Variants in ARMC8 observed in about 807,000 individuals in gnomAD.
ARMC8 encodes armadillo repeat-containing protein 8.
In ARMC8, 20 loss-of-function variants were observed where a neutral mutation model predicts 99.3. The observed-to-expected ratio is 0.20, with a 90% CI of 0.14 to 0.29. ARMC8 has a LOEUF of 0.29. ARMC8 is among the 10% of genes least tolerant of loss of function. The probability of loss-of-function intolerance (pLI) is 1.00; values close to 1 mark genes in which losing one functional copy is unlikely to be tolerated. For synonymous variants in ARMC8, 263 were observed against 278.3 expected (o/e 0.95, Z 0.55); for missense variants, 569 against 809.5 (o/e 0.70, Z 3.60).
At chr3:138,188,571 G>A (rs1223759471) in intron 1 of ARMC8, 4 of 1,613,444 alleles carry the variant, frequency 2.5e-6, no homozygotes, top group South Asian at 2.2e-5. Context: ...TTGGAAACAA[G>A]CAGGCAAATA....
intron 9 of ARMC8, chr3:138,237,919 C>A (rs999731327): frequency 1.2e-5 from 2 of 173,858 alleles, no homozygotes; most frequent in African/African-American, 2.4e-5. Flanking sequence ...CAGGGAAATA[C>A]AAAGATATAG....
intron 1 of ARMC8, among the ~76,000 whole-genome samples, chr3:138,196,651 C>T (rs1450364918): frequency 6.6e-6 from 1 of 151,974 alleles, no homozygotes; most frequent in Non-Finnish European, 1.5e-5. Flanking sequence ...GGTGGATCAT[C>T]TGAGGTCAGG....
chr3:138,229,164 A>ATGTG (rs1451616624), intron 6 of ARMC8, 154 bp downstream of exon 6: 2 of 78,714 alleles, frequency 2.5e-5, no homozygotes, highest in African/African-American at 1.1e-4. Flanking sequence ...ATATATATAT[A>ATGTG]TATATATATA....
chr3:138,282,635 CAAAAAAAA>C (rs760470914), intron 18 of ARMC8, among the ~76,000 whole-genome samples: 1 of 47,512 alleles, frequency 2.1e-5, no homozygotes, highest in African/African-American at 7.0e-5. Flanking sequence ...GACTCCATCT[CAAAAAAAA>C]AAAAAAAAAA....
chr3:138,268,669 G>C (rs184942345), intron 15 of ARMC8, among the ~76,000 whole-genome samples: 2 of 152,002 alleles, frequency 1.3e-5, no homozygotes, highest in East Asian at 1.9e-4. Context: ...CTAGCTACTC[G>C]AGAGGCCGAG....
intron 6 of ARMC8, among the ~76,000 whole-genome samples, chr3:138,232,097 A>T (rs2108127543): frequency 6.8e-6 from 1 of 146,194 alleles, no homozygotes; most frequent in Non-Finnish European, 1.5e-5. Context: ...CAGCCTCCCG[A>T]GTAGCTGGGA....
Position 138,187,610 on chromosome 3 carries a change from C to T in ARMC8, c.45+11C>T, listed in dbSNP as rs1404164173. Reference sequence around the variant, plus strand: ...ATGAGCGTCCTTTCGGTGAGTGACCCGCCGCGGCCGCCCGCCCGCCCTCCA... The same window carrying T: ...ATGAGCGTCCTTTCGGTGAGTGACCTGCCGCGGCCGCCCGCCCGCCCTCCA... On this transcript the variant is annotated intron_variant, in intron 1 of 21. Transcript: ENST00000469044. 7.8e-6 allele frequency: 12 copies of T among 1,535,496 alleles called. No individual in the cohort carries two copies. Among genetic ancestry groups the T allele is most frequent in the Non-Finnish European group, 1.0e-5 (12 of 1,146,446 alleles).
intron 1 of ARMC8, among the ~76,000 whole-genome samples, chr3:138,203,035 A>C (rs1420608642): frequency 6.6e-6 from 1 of 152,224 alleles, no homozygotes; most frequent in Non-Finnish European, 1.5e-5. Context: ...AGGGACAATC[A>C]GAGCCTGTTG....
At chr3:138,245,551 A>T in intron 12 of ARMC8, 1 of 1,097,318 alleles carries the variant, frequency 9.1e-7, no homozygotes, top group Non-Finnish European at 1.1e-6. Flanking sequence ...ATTTATGGAA[A>T]TACCTTCCAA....
intron 1 of ARMC8, among the ~76,000 whole-genome samples, chr3:138,208,088 G>GTTT (rs34408382): frequency 1.4e-4 from 21 of 146,446 alleles, no homozygotes; most frequent in South Asian, 2.2e-4. Context: ...CGGCATCTCT[G>GTTT]TTTTTTTTTT....
intron 2 of ARMC8, among the ~76,000 whole-genome samples, chr3:138,219,996 G>A (rs896991116): frequency 6.6e-6 from 1 of 152,156 alleles, no homozygotes; most frequent in African/African-American, 2.4e-5. Context: ...TATTAGGGTT[G>A]GGAGTTCTGG....
intron 6 of ARMC8, among the ~76,000 whole-genome samples, chr3:138,233,714 G>C (rs918220226): frequency 6.6e-6 from 1 of 152,188 alleles, no homozygotes; most frequent in African/African-American, 2.4e-5. Context: ...GAAAGAACGA[G>C]CATCTTCATG....
At chr3:138,197,056 A>G (rs2043778363) in intron 1 of ARMC8, among the ~76,000 whole-genome samples, 1 of 152,218 alleles carries the variant, frequency 6.6e-6, no homozygotes, top group South Asian at 2.1e-4. Flanking sequence ...ATTGTGTAGC[A>G]GGCCTGGGAT....
chr3:138,266,238 T>C (rs961104017), intron 14 of ARMC8, among the ~76,000 whole-genome samples: 1 of 152,208 alleles, frequency 6.6e-6, no homozygotes, highest in Non-Finnish European at 1.5e-5. Context: ...TTTTGCTTCC[T>C]GAACCTCATT....
chr3:138,252,793 A>G (rs1223974021), intron 12 of ARMC8, among the ~76,000 whole-genome samples: 1 of 120,644 alleles, frequency 8.3e-6, no homozygotes, highest in Non-Finnish European at 1.6e-5. Flanking sequence ...CTCATAAACC[A>G]GTTTGGCGAA....
Position 138,230,515 on chromosome 3 carries a change from TG to T in ARMC8, c.528+1507del, listed in dbSNP as rs2045976132. ...AAAATACAAAAGAATTAGCCAGGCA[TG>T]GTGGCGTGTGCCTGTAGTCCCAGCT... is the stretch of plus-strand genomic sequence containing the variant. On this transcript the variant is annotated intron_variant, in intron 6 of 21. Transcript: ENST00000469044. 1.3e-5 allele frequency among the ~76,000 whole-genome samples: 2 copies of T among 152,186 alleles called. 1 individual carries two copies. Among genetic ancestry groups the T allele is most frequent in the South Asian group, 4.1e-4 (2 of 4,824 alleles).
At chr3:138,263,885 G>A in intron 13 of ARMC8, 64 bp downstream of exon 13, 1 of 1,372,626 alleles carries the variant, frequency 7.3e-7, no homozygotes, top group Non-Finnish European at 1.0e-6. Flanking sequence ...TTCCTTTCTG[G>A]TCCTTCACTG....
intron 1 of ARMC8, among the ~76,000 whole-genome samples, chr3:138,204,360 C>G (rs1425715900): frequency 6.6e-6 from 1 of 152,340 alleles, no homozygotes; most frequent in Non-Finnish European, 1.5e-5. Flanking sequence ...TCTCCCTTCT[C>G]ATGCAGCATC....
chr3:138,209,483 G>A (rs114120934), intron 1 of ARMC8, among the ~76,000 whole-genome samples: 109 of 152,146 alleles, frequency 7.2e-4, no homozygotes, highest in African/African-American at 2.5e-3. Flanking sequence ...TTGTAATTAC[G>A]TTGATTTTCC....
Sources: allele counts gnomAD v4.1 joint callset (sites outside exome capture counted in the v4.1 genomes callset), GRCh38; gene constraint gnomAD v4.1.1; transcripts MANE v1.5; gene names NCBI Gene and HGNC (gene_info 2026-07-23, HGNC 2026-07-21).